The following FBXO11 variants were observed in gnomAD, a reference collection of about 807,000 sequenced individuals.
FBXO11 encodes the protein F-box protein 11.
FBXO11 carries 13 observed loss-of-function variants against 117.0 expected under a neutral mutation model. That is an observed-to-expected ratio of 0.11 (90% CI 0.07 to 0.18). The LOEUF (loss-of-function observed/expected upper bound fraction) is 0.18. Ranked by LOEUF, FBXO11 falls within the 10% of genes least tolerant of loss-of-function variation. FBXO11 has a pLI of 1.00. For synonymous variants in FBXO11, 490 were observed against 380.5 expected (o/e 1.29, Z -3.35); for missense variants, 767 against 1,164.4 (o/e 0.66, Z 4.97).
Position 47,905,548 on chromosome 2 carries a change from G to A in FBXO11, c.173C>T (p.Pro58Leu), listed in dbSNP as rs919267110. The A allele has an allele frequency of 1.9e-5, 24 of 1,241,916 alleles. No homozygotes were observed. Among genetic ancestry groups the A allele is most frequent in the South Asian group, 3.6e-5 (1 of 27,612 alleles). 76.9% of individuals were successfully genotyped at this position (1,241,916 alleles called of 1,614,324 possible). Reference protein sequence around the residue: ...PPQQQQQQQPPPPPPPPPPLP... With the variant: ...PPQQQQQQQPLPPPPPPPPLP... ...CGGCGGAGGCGGCGGTGGCGGCGGC[G>A]GAGGCTGCTGCTGCTGCTGCTGCTG... The change falls in exon 1 of 23, where the codon CCG (proline) becomes CTG (leucine). Residue 58 changes from proline (P) to leucine (L), a missense_variant. Physicochemically the swap from Pro to Leu is moderately conservative, Grantham distance 98 (BLOSUM62 -3). Coordinates refer to ENST00000403359, the MANE Select transcript of FBXO11 (RefSeq NM_001190274.2).
At chr2:47,808,806 C>A in intron 21 of FBXO11, 1 of 258,564 alleles carries the variant, frequency 3.9e-6, no homozygotes, top group Non-Finnish European at 7.3e-6. Flanking sequence ...CATTACACAA[C>A]ATGAGTTACA....
intron 1 of FBXO11, among the ~76,000 whole-genome samples, chr2:47,879,410 T>C (rs1186846251): frequency 6.6e-6 from 1 of 152,222 alleles, no homozygotes; most frequent in African/African-American, 2.4e-5. Flanking sequence ...CCCCCAAAGC[T>C]TCACAACCAA....
intron 11 of FBXO11, among the ~76,000 whole-genome samples, chr2:47,825,216 CA>C (rs1290000420): frequency 3.3e-5 from 5 of 152,132 alleles, no homozygotes. Context: ...TTTCAGACTT[CA>C]TTTTCTAATA....
chr2:47,852,725 C>T (rs927894293), intron 1 of FBXO11, among the ~76,000 whole-genome samples: 1 of 152,190 alleles, frequency 6.6e-6, no homozygotes, highest in Non-Finnish European at 1.5e-5. Flanking sequence ...GTACCTAACA[C>T]TTACTGAAAA....
chr2:47,845,271 A>C (rs1673319234), intron 1 of FBXO11, among the ~76,000 whole-genome samples: 2 of 152,144 alleles, frequency 1.3e-5, no homozygotes, highest in South Asian at 4.1e-4. Flanking sequence ...TTGCATCCTA[A>C]AATGTACAGC....
intron 1 of FBXO11, among the ~76,000 whole-genome samples, chr2:47,880,105 C>G (rs1026683404): frequency 6.6e-6 from 1 of 151,862 alleles, no homozygotes; most frequent in Non-Finnish European, 1.5e-5. Flanking sequence ...GAGAGATTCT[C>G]CCACCACAGC....
chr2:47,856,851 T>A (rs575966254), intron 1 of FBXO11, among the ~76,000 whole-genome samples: 3 of 152,338 alleles, frequency 2.0e-5, no homozygotes, highest in African/African-American at 7.2e-5. Context: ...GAACCACGAA[T>A]GTCGTAATAC....
intron 1 of FBXO11, among the ~76,000 whole-genome samples, chr2:47,849,450 C>G (rs1282711551): frequency 2.6e-5 from 4 of 152,176 alleles, no homozygotes; most frequent in Non-Finnish European, 5.9e-5. Flanking sequence ...CTTAAAATGA[C>G]TTAAAAAATG....
intron 7 of FBXO11, among the ~76,000 whole-genome samples, chr2:47,833,421 T>C (rs1672325935): frequency 6.6e-6 from 1 of 152,204 alleles, no homozygotes; most frequent in African/African-American, 2.4e-5. Context: ...TTTAAATTTA[T>C]TTCCAACAGT....
At chr2:47,867,109 ATTAC>A (rs1466468991) in intron 1 of FBXO11, among the ~76,000 whole-genome samples, 1 of 152,122 alleles carries the variant, frequency 6.6e-6, no homozygotes, top group African/African-American at 2.4e-5. Flanking sequence ...AATTGCTTTA[ATTAC>A]TTAATTTCAT....
chr2:47,832,816 T>C lies in FBXO11; in HGVS notation c.1106A>G (p.Asn369Ser). 1 of 1,614,030 alleles carries C rather than the reference T, an allele frequency of 6.2e-7. No homozygotes were observed. Among genetic ancestry groups the C allele is most frequent in the Non-Finnish European group, 8.5e-7 (1 of 1,179,912 alleles). The change falls in exon 9 of 23, where the codon AAT (asparagine) becomes AGT (serine). Residue 369 changes from asparagine (N) to serine (S), a missense_variant. Asn to Ser is a conservative substitution (Grantham distance 46, BLOSUM62 1). Coordinates refer to ENST00000403359, the MANE Select transcript of FBXO11 (RefSeq NM_001190274.2). ...NAHHCLEITV[N>S]CSPIIDHCII... Reference sequence around the variant, plus strand: ...ACAGTGATCAATAATAGGGCTACAATTTACTGTAATCTCTAAGCAGTGGTG... The same window carrying C: ...ACAGTGATCAATAATAGGGCTACAACTTACTGTAATCTCTAAGCAGTGGTG...
chr2:47,834,999 T>C, intron 5 of FBXO11, 128 bp from the exon 6 acceptor site: 6 of 692,134 alleles, frequency 8.7e-6, no homozygotes, highest in Non-Finnish European at 1.2e-5. Flanking sequence ...CAAATAATTT[T>C]CTGTCAGAGT....
At chr2:47,894,526 A>G (rs1371081845) in intron 1 of FBXO11, among the ~76,000 whole-genome samples, 2 of 152,194 alleles carry the variant, frequency 1.3e-5, no homozygotes, top group Admixed American at 6.5e-5. Context: ...CCAGAATCAC[A>G]TATTAAAGTC....
chr2:47,818,726 C>G lies in FBXO11; in HGVS notation c.2006+53G>C, dbSNP rs373450980. 6.3e-5 allele frequency: 80 copies of G among 1,276,812 alleles called. 1 individual carries two copies. In the African/African-American group the frequency reaches 8.6e-4, roughly 14 times the overall value. 79.1% of individuals were successfully genotyped at this position (1,276,812 alleles called of 1,614,324 possible). ...CAATAAGCAAATTTCTTTTACACAC[C>G]CCACATACTCCTAACTCCCTCCCAA... is the stretch of plus-strand genomic sequence containing the variant. On this transcript the variant is annotated intron_variant, in intron 16 of 22. Coordinates refer to ENST00000403359, the MANE Select transcript of FBXO11 (RefSeq NM_001190274.2).
At chr2:47,830,382 A>G (rs964260756) in intron 11 of FBXO11, among the ~76,000 whole-genome samples, 3 of 152,228 alleles carry the variant, frequency 2.0e-5, no homozygotes, top group African/African-American at 7.2e-5. Flanking sequence ...GTTCTTTAAA[A>G]AAAACAAACA....
chr2:47,819,264 T>C (rs1236863145), intron 14 of FBXO11, among the ~76,000 whole-genome samples, 186 bp from the exon 15 acceptor site: 1 of 152,250 alleles, frequency 6.6e-6, no homozygotes, highest in Non-Finnish European at 1.5e-5. Flanking sequence ...TCGCCCAGGC[T>C]GGAGTACAGT....
At chr2:47,900,910 A>ATACACGTATATATACACACG (rs1553362468) in intron 1 of FBXO11, among the ~76,000 whole-genome samples, 38 of 143,714 alleles carry the variant, frequency 2.6e-4, no homozygotes, top group Non-Finnish European at 5.1e-4. Flanking sequence ...ACACATATAT[A>ATACACGTATATATACACACG]TGTATATATA....
At chr2:47,813,576 C>A (rs914441564) in intron 17 of FBXO11, among the ~76,000 whole-genome samples, 199 bp from the exon 18 acceptor site, 1 of 151,610 alleles carries the variant, frequency 6.6e-6, no homozygotes, top group Non-Finnish European at 1.5e-5. Context: ...GGAATACAGG[C>A]GTGTGCCACC....
At chr2:47,831,022 C>T (rs1370267074) in intron 11 of FBXO11, among the ~76,000 whole-genome samples, 1 of 151,924 alleles carries the variant, frequency 6.6e-6, no homozygotes, top group African/African-American at 2.4e-5. Context: ...TGGTTTTGAA[C>T]TCCTGAGCCC....
Sources: allele counts gnomAD v4.1 joint callset (sites outside exome capture counted in the v4.1 genomes callset), GRCh38; gene constraint gnomAD v4.1.1; transcripts MANE v1.5; gene names NCBI Gene and HGNC (gene_info 2026-07-23, HGNC 2026-07-21).